ZNF808: variants seen among roughly 807,000 people sequenced by gnomAD.
ZNF808 encodes zinc finger protein 808.
Under a neutral mutation model 8.7 loss-of-function variants are expected in ZNF808, and 5 were observed. The observed-to-expected ratio is 0.58, with a 90% confidence interval of 0.30 to 1.21. The LOEUF is 1.21. ZNF808 is among the 50% of genes most tolerant of loss of function. ZNF808 has a pLI of 0.07. For synonymous variants in ZNF808, 380 were observed against 366.0 expected, an observed-to-expected ratio of 1.04 and a Z score of -0.44; for missense variants, 1,103 against 1,098.4, an observed-to-expected ratio of 1.00 and a Z score of -0.06.
chr19:52,538,794 A>C (rs904067482), intron 2 of ZNF808, among the ~76,000 whole-genome samples: 1 of 152,210 alleles, frequency 6.6e-6, no homozygotes, highest in African/African-American at 2.4e-5. Context: ...CCCTGGGTGC[A>C]GATGAGTGGT....
At chr19:52,552,542 A>G (rs924841269) in intron 4 of ZNF808, among the ~76,000 whole-genome samples, 7 of 151,498 alleles carry the variant, frequency 4.6e-5, no homozygotes, top group Admixed American at 1.3e-4. Flanking sequence ...CCTCCTAAGT[A>G]GCTGTGACTA....
intron 4 of ZNF808, 25 bp downstream of exon 4, chr19:52,547,663 T>C (rs1321145002): frequency 6.2e-7 from 1 of 1,612,422 alleles, no homozygotes; most frequent in Non-Finnish European, 8.5e-7. Flanking sequence ...CCTGCAGACA[T>C]GAGGAGTCTG....
rs556759997 is a variant in ZNF808, at chr19:52,532,315, T to TC, written c.-121-590dup. Among the ~76,000 whole-genome samples the TC allele has an allele frequency of 1.4e-3, 218 of 152,156 alleles. 3 individuals are homozygous for TC. The highest frequency in any genetic ancestry group is 1.3e-4 in the Non-Finnish European group (9 of 67,998). On this transcript the variant is annotated intron_variant, in intron 1 of 4. Transcript: ENST00000359798. ...ATCTTGGCTCATTGCAATCTCTGCC[T>TC]CCCAGGTTCAAGTGATTCTTGTGCC...
chr19:52,529,860 A>G (rs1286547474), intron 1 of ZNF808, among the ~76,000 whole-genome samples: 2 of 151,568 alleles, frequency 1.3e-5, no homozygotes, highest in Non-Finnish European at 2.9e-5. Context: ...AGCTGGGACC[A>G]GAGGCATGAG....
intron 2 of ZNF808, among the ~76,000 whole-genome samples, chr19:52,541,310 A>G (rs1376693707): frequency 2.6e-5 from 4 of 151,594 alleles, no homozygotes; most frequent in African/African-American, 4.9e-5. Context: ...TAGAGATCCA[A>G]TATTATTCTT....
downstream of ZNF808, among the ~76,000 whole-genome samples, chr19:52,561,271 G>A (rs1038171791): frequency 2.1e-5 from 3 of 146,318 alleles, no homozygotes; most frequent in Non-Finnish European, 4.5e-5. Flanking sequence ...AAGTTCTAGG[G>A]TACATGTGCA....
downstream of ZNF808, among the ~76,000 whole-genome samples, chr19:52,557,204 C>T (rs1031136651): frequency 6.6e-5 from 10 of 151,078 alleles, no homozygotes; most frequent in Non-Finnish European, 1.2e-4. Context: ...CTCCTGACCT[C>T]GTGATCCGCC....
chr19:52,555,934 G>T lies in ZNF808; in HGVS notation c.*306G>T, dbSNP rs563832469. 115 of 662,274 alleles carry T rather than the reference G, an allele frequency of 1.7e-4. No individual in the cohort carries two copies. The highest frequency in any genetic ancestry group is 1.3e-3 in the African/African-American group (76 of 56,348). The allele number at this position is 662,274 out of a possible 1,614,324, so 41.0% of individuals were successfully genotyped here. On this transcript the variant is annotated 3_prime_UTR_variant, in exon 5 of 5. Coordinates refer to ENST00000359798, the MANE Select transcript of ZNF808 (RefSeq NM_001039886.4). ...CATTCACACCTCGTTGGACATCAGA[G>T]AATCCATACTGGACAGAAATCTTGC...
intron 4 of ZNF808, among the ~76,000 whole-genome samples, chr19:52,550,902 C>G (rs541304077): frequency 3.9e-5 from 6 of 152,242 alleles, no homozygotes; most frequent in Middle Eastern, 3.4e-3. Flanking sequence ...TTTCCTGCCT[C>G]ACTCATCTCA....
intron 1 of ZNF808, among the ~76,000 whole-genome samples, chr19:52,528,151 A>T (rs894593810): frequency 6.6e-6 from 1 of 150,382 alleles, no homozygotes; most frequent in South Asian, 2.1e-4. Flanking sequence ...TCCTTCTCCC[A>T]AGGCGCCGTC....
At chr19:52,538,685 C>G (rs1298590680) in intron 2 of ZNF808, among the ~76,000 whole-genome samples, 2 of 148,826 alleles carry the variant, frequency 1.3e-5, no homozygotes, top group Non-Finnish European at 3.0e-5. Flanking sequence ...TGAGCAGAAG[C>G]CCAGGGGGAA....
intron 3 of ZNF808, chr19:52,563,244 T>G (rs1462708760): frequency 6.6e-6 from 1 of 152,244 alleles, no homozygotes; most frequent in South Asian, 2.1e-4. Flanking sequence ...TGTATAAATG[T>G]ACTTATTATT....
chr19:52,556,885 C>T (rs2059839410), downstream of ZNF808: 1 of 152,168 alleles, frequency 6.6e-6, no homozygotes, highest in Admixed American at 6.5e-5. Flanking sequence ...TCTCTCAAGG[C>T]CCTCTGGACC....
chr19:52,552,701 T>TG (rs35078832), intron 4 of ZNF808, among the ~76,000 whole-genome samples: 5 of 111,246 alleles, frequency 4.5e-5, no homozygotes, highest in East Asian at 5.3e-4. Context: ...GTATGTTGTG[T>TG]GGTTTTTTTT....
intron 4 of ZNF808, among the ~76,000 whole-genome samples, chr19:52,549,747 G>T (rs1328447572): frequency 1.3e-5 from 2 of 152,050 alleles, no homozygotes; most frequent in African/African-American, 4.8e-5. Context: ...CATTGATCTG[G>T]ATGCAAATAC....
At chr19:52,528,449 C>G (rs1599940051) in intron 1 of ZNF808, among the ~76,000 whole-genome samples, 1 of 151,992 alleles carries the variant, frequency 6.6e-6, no homozygotes, top group East Asian at 1.9e-4. Context: ...TAACAGATGG[C>G]AAAATAGAGG....
chr19:52,549,971 C>T (rs1053935202), intron 4 of ZNF808, among the ~76,000 whole-genome samples: 1 of 152,176 alleles, frequency 6.6e-6, no homozygotes, highest in Non-Finnish European at 1.5e-5. Flanking sequence ...AGCAGCGCAG[C>T]TCAGCGCTTG....
intron 2 of ZNF808, among the ~76,000 whole-genome samples, chr19:52,536,427 C>A (rs1020437608): frequency 6.6e-6 from 1 of 152,084 alleles, no homozygotes; most frequent in South Asian, 2.1e-4. Context: ...TGTCCCCAGT[C>A]CTGGGGAGGC....
At chr19:52,541,282 A>C (rs1483143088) in intron 2 of ZNF808, among the ~76,000 whole-genome samples, 1 of 151,018 alleles carries the variant, frequency 6.6e-6, no homozygotes, top group African/African-American at 2.4e-5. Flanking sequence ...TTTAAATAAA[A>C]TTTTTCATGG....
Sources: gnomAD v4.1 joint callset for allele counts (sites outside exome capture counted in the v4.1 genomes callset) on GRCh38, gnomAD v4.1.1 for gene constraint, MANE v1.5 for transcripts, NCBI Gene and HGNC (gene_info 2026-07-23, HGNC 2026-07-21) for gene names.